The following NDUFV3 variants were observed in gnomAD, a reference collection of about 807,000 sequenced individuals.
The protein encoded by NDUFV3 is NADH:ubiquinone oxidoreductase subunit V3, also known as NADH dehydrogenase [ubiquinone] flavoprotein 3, mitochondrial.
In NDUFV3, 44 loss-of-function variants were observed where a neutral mutation model predicts 37.5. That is an observed-to-expected ratio of 1.17 (90% CI 0.92 to 1.51). The LOEUF is 1.51. Ranked by LOEUF, NDUFV3 falls within the 40% of genes most tolerant of loss-of-function variation. The pLI, the probability that NDUFV3 is intolerant of heterozygous loss-of-function variation, is 0.00. For missense variants in NDUFV3, 580 were observed against 580.4 expected (o/e 1.00, Z 0.01); for synonymous variants, 235 against 239.3 (o/e 0.98, Z 0.17).
At position 42,908,903 on chromosome 21, in the gene NDUFV3, C is replaced by A; in HGVS notation, c.1304C>A (p.Thr435Asn). The A allele has an allele frequency of 6.2e-7, 1 of 1,614,116 alleles. No individual in the cohort carries two copies. The highest frequency in any genetic ancestry group is 8.5e-7 in the Non-Finnish European group (1 of 1,180,022). The change falls in exon 4 of 4, where the codon ACC becomes AAC. Residue 435 changes from threonine (T) to asparagine (N), a missense_variant. Thr to Asn is a moderately conservative substitution (Grantham distance 65). Coordinates refer to ENST00000354250, the MANE Select transcript of NDUFV3 (RefSeq NM_021075.4). ...PVPAEPFDNT[T>N]YKNLQHHDYS... ...CCTGCTGAGCCGTTTGACAACACTA[C>A]CTACAAGAACCTGCAGCATCATGAC...
chr21:42,893,344 C>A lies in NDUFV3; in HGVS notation c.11C>A (p.Pro4Gln), dbSNP rs77606940. The A allele has an allele frequency of 3.3e-6, 5 of 1,538,454 alleles. No individual in the cohort carries two copies. The highest frequency in any genetic ancestry group is 1.2e-5 in the South Asian group (1 of 83,968). The change falls in exon 1 of 4, where the codon CCG (proline) becomes CAG (glutamine). Residue 4 changes from proline (P) to glutamine (Q), a missense_variant. By Grantham distance (76) the Pro-to-Gln change is moderately conservative. Coordinates refer to ENST00000354250, the MANE Select transcript of NDUFV3 (RefSeq NM_021075.4). The stretch of plus-strand genomic sequence containing the variant: ...CCCGCTGTCACCGCCATGGCTGCCC[C>A]GTGTTTGCTGCGGCAAGGACGAGCC... MAA[P>Q]CLLRQGRAGA... is the part of the protein sequence containing the mutation.
chr21:42,898,460 G>A (rs1018056500), intron 2 of NDUFV3, among the ~76,000 whole-genome samples: 3 of 151,780 alleles, frequency 2.0e-5, no homozygotes, highest in Admixed American at 1.3e-4. Context: ...TCCCTGGCAT[G>A]TTTTGTTGAT....
chr21:42,903,720 A>G lies in NDUFV3; in HGVS notation c.708A>G (p.Pro236=). The change falls in exon 3 of 4, where the codon CCA becomes CCG. Residue 236 remains proline, a synonymous_variant. Transcript: ENST00000354250. ...AGAAGAAAGGGTCCCCTGCTAAGCC[A>G]TCAGAAGGCAGGGAAAATGCGAGAC... The part of the protein sequence containing the change: ...QPKKKGSPAK[P]SEGRENARPK... The G allele has an allele frequency of 6.2e-7, 1 of 1,614,228 alleles. No individual in the cohort carries two copies. Among genetic ancestry groups the G allele is most frequent in the Non-Finnish European group, 8.5e-7 (1 of 1,180,038 alleles).
At position 42,904,044 on chromosome 21, in the gene NDUFV3, G is replaced by A. The variant is rs778182619; in HGVS notation, c.1032G>A (p.Lys344=). The A allele has an allele frequency of 1.9e-6, 3 of 1,614,194 alleles. No individual in the cohort carries two copies. The highest frequency in any genetic ancestry group is 8.5e-7 in the Non-Finnish European group (1 of 1,180,030). Reference sequence around the variant, plus strand: ...AACCCGTGCCAGAGCCCCAGCGCAAGGCGGCCCCTCCCCTGCCCAGAAAGG... The same window carrying A: ...AACCCGTGCCAGAGCCCCAGCGCAAAGCGGCCCCTCCCCTGCCCAGAAAGG... ...LEKPVPEPQR[K]AAPPLPRKET... is the part of the protein sequence containing the mutation. The change falls in exon 3 of 4, where the codon AAG becomes AAA. Residue 344 remains lysine (K), a synonymous_variant. Transcript: ENST00000354250.
chr21:42,901,213 G>A (rs1362620021), intron 2 of NDUFV3, among the ~76,000 whole-genome samples: 1 of 151,784 alleles, frequency 6.6e-6, no homozygotes, highest in Non-Finnish European at 1.5e-5. Flanking sequence ...TGAGGTGGGT[G>A]GATCACCTGA....
At chr21:42,896,477 G>T (rs1182309329) in intron 1 of NDUFV3, among the ~76,000 whole-genome samples, 3 of 151,626 alleles carry the variant, frequency 2.0e-5, no homozygotes, top group Non-Finnish European at 4.4e-5. Context: ...AGTAGAGACG[G>T]GGTTGTCCAG....
At chr21:42,900,444 A>G (rs1301655973) in intron 2 of NDUFV3, among the ~76,000 whole-genome samples, 2 of 152,238 alleles carry the variant, frequency 1.3e-5, no homozygotes, top group Non-Finnish European at 2.9e-5. Context: ...CAGAGGTTGC[A>G]ATGAGCTGAG....
Position 42,911,949 on chromosome 21 carries a change from G to C in NDUFV3, c.*2928G>C, listed in dbSNP as rs1222767819. The C allele has an allele frequency of 6.6e-6, 1 of 152,146 alleles. No individual in the cohort carries two copies. Among genetic ancestry groups the C allele is most frequent in the Non-Finnish European group, 1.5e-5 (1 of 68,034 alleles). The allele number at this position is 152,146 out of a possible 1,614,324, so 9.4% of individuals were successfully genotyped here. ...AGATAAAGCATGAGACTTGTATAAA[G>C]TTCTTTCCTGGCTGGGCGCGGTGGC... On this transcript the variant is annotated 3_prime_UTR_variant, in exon 4 of 4. Coordinates refer to ENST00000354250, the MANE Select transcript of NDUFV3 (RefSeq NM_021075.4).
chr21:42,909,093 A>C lies in NDUFV3; in HGVS notation c.*72A>C. 6.7e-7 allele frequency: 1 copy of C among 1,498,708 alleles called. No homozygotes were observed. The highest frequency in any genetic ancestry group is 2.3e-5 in the East Asian group (1 of 44,252). 92.8% of individuals were successfully genotyped at this position (1,498,708 alleles called of 1,614,324 possible). On this transcript the variant is annotated 3_prime_UTR_variant, in exon 4 of 4. Transcript: ENST00000354250. ...TGGAGTGCAAAAATAAAATCCACTC[A>C]AGAGTCACAAGGCCCGCTGTGCATA... is the stretch of plus-strand genomic sequence containing the variant.
In NDUFV3 at chr21:42,904,078, G is replaced by C. The variant is rs761449991; in HGVS notation, c.1066G>C (p.Gly356Arg). The change falls in exon 3 of 4, where the codon GGG (glycine) becomes CGG (arginine). Residue 356 changes from glycine (G) to arginine (R), a missense_variant. Physicochemically the swap from Gly to Arg is moderately radical, Grantham distance 125 (BLOSUM62 -2). Coordinates refer to ENST00000354250, the MANE Select transcript of NDUFV3 (RefSeq NM_021075.4). The part of the protein sequence containing the change: ...APPLPRKETS[G>R]TQGIEGHLKG... ...TCCCCTGCCCAGAAAGGAAACCTCA[G>C]GGACGCAGGGAATAGAAGGCCACCT... The C allele has an allele frequency of 2.2e-5, 36 of 1,614,232 alleles. No individual in the cohort carries two copies. Among genetic ancestry groups the C allele is most frequent in the Non-Finnish European group, 2.8e-5 (33 of 1,180,044 alleles).
Position 42,903,417 on chromosome 21 carries a change from G to A in NDUFV3, c.405G>A (p.Gln135=). 1 of 1,614,206 alleles carries A rather than the reference G, an allele frequency of 6.2e-7. No homozygotes were observed. Among genetic ancestry groups the A allele is most frequent in the Non-Finnish European group, 8.5e-7 (1 of 1,180,042 alleles). The change falls in exon 3 of 4, where the codon CAG becomes CAA. Residue 135 remains glutamine, a synonymous_variant. Transcript: ENST00000354250. ...PQKVLSPFRK[Q]GSDSEARQVG... ...AAGTTCTGTCTCCATTCAGAAAACA[G>A]GGCTCTGATTCAGAAGCTCGTCAGG...
chr21:42,894,377 T>TA (rs1222081689), intron 1 of NDUFV3, among the ~76,000 whole-genome samples: 2 of 35,466 alleles, frequency 5.6e-5, no homozygotes, highest in South Asian at 5.0e-4. Context: ...TATATTTATA[T>TA]AATATGTAAA....
intron 1 of NDUFV3, among the ~76,000 whole-genome samples, chr21:42,895,790 T>G (rs921810986): frequency 6.6e-6 from 1 of 152,162 alleles, no homozygotes; most frequent in Non-Finnish European, 1.5e-5. Flanking sequence ...GTGATTGTCC[T>G]TGAACTCGGG....
intron 1 of NDUFV3, among the ~76,000 whole-genome samples, chr21:42,894,526 A>T (rs1401599370): frequency 1.3e-4 from 12 of 92,474 alleles, no homozygotes; most frequent in South Asian, 5.4e-4. Context: ...TATTATATAT[A>T]ATATATATCA....
chr21:42,896,418 A>C (rs1204841701), intron 1 of NDUFV3, among the ~76,000 whole-genome samples: 1 of 151,756 alleles, frequency 6.6e-6, no homozygotes, highest in East Asian at 1.9e-4. Context: ...GGCCTCCCAA[A>C]GTGCTAGGAT....
In NDUFV3 at chr21:42,912,238, C is replaced by T. The variant is rs532664819; in HGVS notation, c.*3217C>T. 3 of 152,112 alleles carry T rather than the reference C, an allele frequency of 2.0e-5. No individual in the cohort carries two copies. The highest frequency in any genetic ancestry group is 4.4e-5 in the Non-Finnish European group (3 of 68,036). The allele number at this position is 152,112 out of a possible 1,614,324, so 9.4% of individuals were successfully genotyped here. ...CTGGGCAACAACAGCAAAACTCCGT[C>T]TCAAAAAAATAAAGTTCTTCCCTTA... On this transcript the variant is annotated 3_prime_UTR_variant, in exon 4 of 4. Transcript: ENST00000354250.
chr21:42,901,311 G>C (rs1214343849), intron 2 of NDUFV3, among the ~76,000 whole-genome samples: 1 of 152,000 alleles, frequency 6.6e-6, no homozygotes, highest in Non-Finnish European at 1.5e-5. Flanking sequence ...GCGTGGTGGT[G>C]CATGCTTGTA....
In NDUFV3 at chr21:42,908,758, AG is replaced by A. The variant is rs1601226831; in HGVS notation, c.1265-103del. ...CATTCATAAAGAGCTGTTCACAGAT[AG>A]GGATGATGAAGAATGCTTGGTAGGT... On this transcript the variant is annotated intron_variant, in intron 3 of 3. Transcript: ENST00000354250. The A allele has an allele frequency of 3.0e-6, 4 of 1,321,142 alleles. No homozygotes were observed. The East Asian group carries it at 9.3e-5, about 31-fold the overall frequency. The allele number at this position is 1,321,142 out of a possible 1,614,324, so 81.8% of individuals were successfully genotyped here.
intron 2 of NDUFV3, 86 bp downstream of exon 2, chr21:42,897,133 A>G: frequency 1.4e-6 from 2 of 1,451,092 alleles, no homozygotes; most frequent in Non-Finnish European, 1.9e-6. Context: ...AGTGAGTTTT[A>G]CTAGCTACGT....
Sources: allele counts gnomAD v4.1 joint callset (sites outside exome capture counted in the v4.1 genomes callset), GRCh38; gene constraint gnomAD v4.1.1; transcripts MANE v1.5; gene names NCBI Gene and HGNC (gene_info 2026-07-23, HGNC 2026-07-21).